MNAT1: variants seen among roughly 807,000 people sequenced by gnomAD.
MNAT1 encodes the protein CDK-activating kinase assembly factor MAT1.
In MNAT1, 43 loss-of-function variants were observed where a neutral mutation model predicts 42.0. That is an observed-to-expected ratio of 1.02 (90% CI 0.80 to 1.32). MNAT1 has a LOEUF of 1.32. MNAT1 is among the 40% of genes most tolerant of loss of function. The pLI is 0.00. For missense variants in MNAT1, 306 were observed against 350.4 expected, an observed-to-expected ratio of 0.87 and a Z score of 1.01; for synonymous variants, 118 against 120.0, an observed-to-expected ratio of 0.98 and a Z score of 0.11.
intron 7 of MNAT1, among the ~76,000 whole-genome samples, chr14:60,880,744 G>C (rs941718232): frequency 5.9e-5 from 9 of 152,096 alleles, no homozygotes; most frequent in African/African-American, 2.2e-4. Flanking sequence ...CCAAGGTAAA[G>C]TTACATTTAA....
chr14:60,887,686 T>C (rs997390714), intron 7 of MNAT1, among the ~76,000 whole-genome samples: 4 of 151,678 alleles, frequency 2.6e-5, no homozygotes, highest in Admixed American at 6.6e-5. Context: ...ATCCACAAAA[T>C]TGATAGACCG....
chr14:60,750,539 T>TTC (rs2030040169), intron 1 of MNAT1, among the ~76,000 whole-genome samples: 1 of 150,910 alleles, frequency 6.6e-6, no homozygotes, highest in African/African-American at 2.4e-5. Context: ...CTTTTTTTTT[T>TTC]TTTTTTTTTT....
intron 3 of MNAT1, 127 bp downstream of exon 3, chr14:60,798,287 T>G: frequency 2.0e-6 from 1 of 510,046 alleles, no homozygotes. Flanking sequence ...ATTTACCTAA[T>G]TACTTTCTTT....
At chr14:60,751,494 G>A (rs1022643524) in intron 1 of MNAT1, among the ~76,000 whole-genome samples, 2 of 151,982 alleles carry the variant, frequency 1.3e-5, no homozygotes, top group African/African-American at 2.4e-5. Flanking sequence ...TATAAGCAAT[G>A]ACATAGTATT....
chr14:60,809,162 A>G (rs866175374), intron 4 of MNAT1: 9 of 152,118 alleles, frequency 5.9e-5, no homozygotes, highest in African/African-American at 1.7e-4. Context: ...TTGGCTTTCT[A>G]GTTGTAGGGG....
At chr14:60,955,953 C>G (rs528708354) in intron 7 of MNAT1, among the ~76,000 whole-genome samples, 1 of 151,830 alleles carries the variant, frequency 6.6e-6, no homozygotes, top group African/African-American at 2.4e-5. Flanking sequence ...TTTAAAAAAA[C>G]CAACTTTTAG....
intron 7 of MNAT1, among the ~76,000 whole-genome samples, chr14:60,918,758 T>TATATATATATATATATATATATA (rs371722863): frequency 2.1e-5 from 3 of 142,386 alleles, no homozygotes; most frequent in African/African-American, 5.1e-5. Context: ...ATATATATAT[T>TATATATATATATATATATATATA]TTTGTCCTTA....
chr14:60,907,847 A>G (rs2035244269), intron 7 of MNAT1, among the ~76,000 whole-genome samples: 1 of 151,478 alleles, frequency 6.6e-6, no homozygotes, highest in South Asian at 2.1e-4. Context: ...TTGCAACAGT[A>G]TTGCACTTTC....
At chr14:60,910,066 A>G (rs1408787387) in intron 7 of MNAT1, among the ~76,000 whole-genome samples, 4 of 151,976 alleles carry the variant, frequency 2.6e-5, no homozygotes, top group Non-Finnish European at 5.9e-5. Context: ...ATTCCTAGGT[A>G]TTTTATTCTC....
chr14:60,747,161 T>G (rs898714493), intron 1 of MNAT1, among the ~76,000 whole-genome samples: 4 of 151,156 alleles, frequency 2.6e-5, no homozygotes, highest in African/African-American at 9.7e-5. Flanking sequence ...ATTTTTTGTA[T>G]TTTTAGTAGA....
intron 7 of MNAT1, among the ~76,000 whole-genome samples, chr14:60,909,247 C>T (rs1481831234): frequency 1.3e-5 from 2 of 152,050 alleles, no homozygotes; most frequent in African/African-American, 4.8e-5. Flanking sequence ...GAGTAGGTTG[C>T]AAAAATTTTC....
At chr14:60,882,342 C>T (rs2034570482) in intron 7 of MNAT1, among the ~76,000 whole-genome samples, 1 of 152,138 alleles carries the variant, frequency 6.6e-6, no homozygotes, top group Non-Finnish European at 1.5e-5. Context: ...GTTTGTCTTT[C>T]TGTGCCTGGC....
intron 6 of MNAT1, among the ~76,000 whole-genome samples, chr14:60,841,510 C>T (rs998293418): frequency 2.0e-5 from 3 of 151,896 alleles, no homozygotes. Context: ...TTTGATTTCT[C>T]TCATCATTCA....
intron 1 of MNAT1, among the ~76,000 whole-genome samples, chr14:60,784,433 C>A (rs558986952): frequency 2.0e-4 from 30 of 151,942 alleles, no homozygotes; most frequent in Non-Finnish European, 3.8e-4. Context: ...CCTGCTGCGG[C>A]CTTCCAAAGT....
intron 1 of MNAT1, among the ~76,000 whole-genome samples, chr14:60,793,438 C>T (rs1431070371): frequency 6.6e-6 from 1 of 151,914 alleles, no homozygotes. Context: ...TCACAGCTGA[C>T]AGTAACCTTG....
intron 6 of MNAT1, among the ~76,000 whole-genome samples, chr14:60,843,001 G>A (rs192153279): frequency 2.0e-5 from 3 of 152,244 alleles, no homozygotes; most frequent in Admixed American, 1.3e-4. Context: ...AAGTCAAACC[G>A]TCATAAGTCA....
At chr14:60,801,336 A>G (rs2139335121) in intron 3 of MNAT1, among the ~76,000 whole-genome samples, 2 of 152,322 alleles carry the variant, frequency 1.3e-5, no homozygotes, top group South Asian at 4.1e-4. Flanking sequence ...CAACAAAAGC[A>G]AAAATAGACA....
At chr14:60,882,925 TG>T (rs1278213889) in intron 7 of MNAT1, among the ~76,000 whole-genome samples, 2 of 152,162 alleles carry the variant, frequency 1.3e-5, no homozygotes, top group Admixed American at 6.6e-5. Context: ...ATTTTTAAGT[TG>T]GATTATTACA....
intron 7 of MNAT1, among the ~76,000 whole-genome samples, chr14:60,907,845 G>C (rs186198091): frequency 1.4e-5 from 2 of 147,670 alleles, no homozygotes; most frequent in Non-Finnish European, 3.0e-5. Flanking sequence ...GATTGCAACA[G>C]TATTGCACTT....
Sources: allele counts gnomAD v4.1 joint callset (sites outside exome capture counted in the v4.1 genomes callset), GRCh38; gene constraint gnomAD v4.1.1; transcripts MANE v1.5; gene names NCBI Gene and HGNC (gene_info 2026-07-23, HGNC 2026-07-21).